Variants in GABBR2 observed in about 807,000 individuals in gnomAD.
The protein encoded by GABBR2 is G-protein coupled receptor 51.
A neutral mutation model predicts 105.6 loss-of-function variants in GABBR2; 23 were observed. The ratio of observed to expected loss-of-function variants is 0.22; its 90% confidence interval spans 0.16 to 0.31. The LOEUF is 0.31. GABBR2 is among the 10% of genes least tolerant of loss of function. The pLI is 1.00. For synonymous variants in GABBR2, 478 were observed against 499.7 expected, an observed-to-expected ratio of 0.96 and a Z score of 0.58; for missense variants, 734 against 1,245.5, an observed-to-expected ratio of 0.59 and a Z score of 6.18.
At chr9:98,424,156 G>C (rs1315611492) in intron 7 of GABBR2, among the ~76,000 whole-genome samples, 1 of 152,010 alleles carries the variant, frequency 6.6e-6, no homozygotes, top group Non-Finnish European at 1.5e-5. Context: ...TTCATCCCTG[G>C]GATGCAAGGC....
chr9:98,327,340 C>T (rs1056187286), intron 13 of GABBR2, among the ~76,000 whole-genome samples: 21 of 152,234 alleles, frequency 1.4e-4, no homozygotes, highest in African/African-American at 4.1e-4. Context: ...AAAACAGAAC[C>T]TAAGCCTGCC....
intron 3 of GABBR2, among the ~76,000 whole-genome samples, chr9:98,519,516 A>G (rs565229252): frequency 5.9e-5 from 9 of 152,248 alleles, no homozygotes; most frequent in Non-Finnish European, 1.0e-4. Flanking sequence ...CCTCAAACGT[A>G]TATCACTCCT....
intron 1 of GABBR2, among the ~76,000 whole-genome samples, chr9:98,626,122 C>G (rs1262870728): frequency 6.6e-6 from 1 of 152,166 alleles, no homozygotes; most frequent in Non-Finnish European, 1.5e-5. Context: ...AAACATCATG[C>G]TGAGTGAAAG....
chr9:98,304,842 C>T (rs527856768), intron 15 of GABBR2, among the ~76,000 whole-genome samples: 1 of 152,348 alleles, frequency 6.6e-6, no homozygotes, highest in Admixed American at 6.5e-5. Flanking sequence ...GCAATCTTAG[C>T]TCACCACAAC....
intron 1 of GABBR2, among the ~76,000 whole-genome samples, chr9:98,593,409 C>CA (rs2131797665): frequency 6.6e-6 from 1 of 152,206 alleles, no homozygotes; most frequent in South Asian, 2.1e-4. Flanking sequence ...GGTGAGAGAC[C>CA]AGTGCAGTGG....
chr9:98,573,168 G>A (rs965441188), intron 2 of GABBR2, among the ~76,000 whole-genome samples: 1 of 152,188 alleles, frequency 6.6e-6, no homozygotes, highest in Non-Finnish European at 1.5e-5. Context: ...CCCAGACCCT[G>A]CGCCAGACAC....
chr9:98,702,068 G>C (rs770482548), intron 1 of GABBR2, among the ~76,000 whole-genome samples: 1 of 152,008 alleles, frequency 6.6e-6, no homozygotes, highest in African/African-American at 2.4e-5. Flanking sequence ...CCATTTCATC[G>C]ATGAAGAAAC....
intron 1 of GABBR2, among the ~76,000 whole-genome samples, chr9:98,598,750 T>C (rs1200356647): frequency 6.6e-6 from 1 of 152,056 alleles, no homozygotes; most frequent in Non-Finnish European, 1.5e-5. Flanking sequence ...TGGCAGACAC[T>C]TGGACCTAAA....
intron 7 of GABBR2, among the ~76,000 whole-genome samples, chr9:98,436,304 C>CTATAAATATATATATATAT (rs1554705757): frequency 1.6e-5 from 1 of 61,404 alleles, no homozygotes; most frequent in Non-Finnish European, 3.0e-5. Context: ...TATATATATA[C>CTATAAATATATATATATAT]CCATAAATAT....
Position 98,388,844 on chromosome 9 carries a change from G to A in GABBR2, c.1529+10C>T. The A allele has an allele frequency of 6.2e-7, 1 of 1,609,582 alleles. No individual in the cohort carries two copies. Among genetic ancestry groups the A allele is most frequent in the Non-Finnish European group, 8.5e-7 (1 of 1,176,702 alleles). On this transcript the variant is annotated intron_variant, in intron 10 of 18. Coordinates refer to ENST00000259455, the MANE Select transcript of GABBR2 (RefSeq NM_005458.8). This position sits in a 1 kb window ranked among gnomAD's most constrained non-coding sequence, Gnocchi z 4.4. The stretch of plus-strand genomic sequence containing the variant: ...AAGTGATATCACAGAGGAGGACCAG[G>A]GTGGCTTACTTCTGATTCCGGTTCT...
chr9:98,406,301 T>C (rs1832489334), intron 7 of GABBR2, among the ~76,000 whole-genome samples, 160 bp from the exon 8 acceptor site: 1 of 152,272 alleles, frequency 6.6e-6, no homozygotes, highest in African/African-American at 2.4e-5. Context: ...ATCAAACTAA[T>C]TGTTTTTAAA....
chr9:98,420,263 C>A lies in GABBR2; in HGVS notation c.1237-14122G>T, dbSNP rs552957029. Among the ~76,000 whole-genome samples, 6 of 152,270 alleles carry A rather than the reference C, an allele frequency of 3.9e-5. No homozygotes were observed. The East Asian group carries it at 1.2e-3, about 29-fold the overall frequency. On this transcript the variant is annotated intron_variant, in intron 7 of 18. Coordinates refer to ENST00000259455, the MANE Select transcript of GABBR2 (RefSeq NM_005458.8). ...CGGTGAGCTCCAGCCAGCAGAGGAG[C>A]CCCTCCGTTGTCCCATGCCTGGCTC...
chr9:98,622,674 A>C lies in GABBR2; in HGVS notation c.322-44602T>G, dbSNP rs556699775. 2.6e-5 allele frequency among the ~76,000 whole-genome samples: 4 copies of C among 152,238 alleles called. No homozygotes were observed. In the South Asian group the frequency reaches 8.3e-4, roughly 32 times the overall value. ...CCTGTCTCGCTTGGAGTCAAAGCCA[A>C]AGTCCTTGCAGTGCCCCCCCAGCCC... On this transcript the variant is annotated intron_variant, in intron 1 of 18. Coordinates refer to ENST00000259455, the MANE Select transcript of GABBR2 (RefSeq NM_005458.8).
chr9:98,663,055 A>G (rs12345853), intron 1 of GABBR2, among the ~76,000 whole-genome samples: 13,791 of 152,236 alleles, frequency 0.091, 1,008 homozygotes, highest in African/African-American at 0.2. Context: ...CCCATGATAC[A>G]GAATATAATG....
chr9:98,582,300 T>C (rs957335294), intron 1 of GABBR2, among the ~76,000 whole-genome samples: 2 of 152,174 alleles, frequency 1.3e-5, no homozygotes, highest in Admixed American at 6.5e-5. Context: ...CCATTGTTGG[T>C]TTGAAGATGA....
At chr9:98,405,197 G>A (rs1196052384) in intron 8 of GABBR2, among the ~76,000 whole-genome samples, 1 of 152,124 alleles carries the variant, frequency 6.6e-6, no homozygotes, top group Non-Finnish European at 1.5e-5. Flanking sequence ...TGCCTATTGG[G>A]CACATGGGGG....
At chr9:98,317,354 C>A (rs183038765) in intron 13 of GABBR2, among the ~76,000 whole-genome samples, 5 of 152,346 alleles carry the variant, frequency 3.3e-5, no homozygotes, top group African/African-American at 7.2e-5. Flanking sequence ...GCCCGAGAGT[C>A]CCTCTGCATA....
At chr9:98,312,818 C>A (rs868264380) in intron 13 of GABBR2, among the ~76,000 whole-genome samples, 1 of 152,114 alleles carries the variant, frequency 6.6e-6, no homozygotes, top group African/African-American at 2.4e-5. Flanking sequence ...GTCGTGATCT[C>A]CGCTCACTGC....
At chr9:98,375,478 G>A (rs1318695062) in intron 11 of GABBR2, among the ~76,000 whole-genome samples, 1 of 152,084 alleles carries the variant, frequency 6.6e-6, no homozygotes, top group Non-Finnish European at 1.5e-5. Flanking sequence ...TGGGAGGCAG[G>A]GCCTGCTTTG....
Sources: gnomAD v4.1 joint callset for allele counts (sites outside exome capture counted in the v4.1 genomes callset) on GRCh38, gnomAD v4.1.1 for gene constraint, Gnocchi (gnomAD v3.1) non-coding constraint, MANE v1.5 for transcripts, NCBI Gene and HGNC (gene_info 2026-07-23, HGNC 2026-07-21) for gene names.